RARB: variants seen among roughly 807,000 people sequenced by gnomAD.
RARB encodes HBV-activated protein.
RARB carries 17 observed loss-of-function variants against 51.9 expected under a neutral mutation model. The ratio of observed to expected loss-of-function variants is 0.33; its 90% CI spans 0.22 to 0.49. The LOEUF (loss-of-function observed/expected upper bound fraction) is 0.49. RARB is among the 20% of genes least tolerant of loss of function. The pLI is 0.99. For missense variants in RARB, 369 were observed against 550.8 expected, an observed-to-expected ratio of 0.67 and a Z score of 3.30; for synonymous variants, 215 against 195.4, an observed-to-expected ratio of 1.10 and a Z score of -0.84.
intron 3 of RARB, among the ~76,000 whole-genome samples, chr3:25,092,165 G>A (rs62230270): frequency 0.036 from 5,532 of 152,170 alleles, 128 homozygotes; most frequent in Middle Eastern, 0.058. Flanking sequence ...GAGAGGAGGC[G>A]GTCTTGTCTA....
At chr3:24,850,584 G>A (rs945378451) in intron 1 of RARB, among the ~76,000 whole-genome samples, 1 of 152,170 alleles carries the variant, frequency 6.6e-6, no homozygotes, top group African/African-American at 2.4e-5. Context: ...GGGGCAGAGG[G>A]AAGAAACCTA....
chr3:25,480,251 A>G (rs142667257), intron 2 of RARB, among the ~76,000 whole-genome samples: 2 of 152,354 alleles, frequency 1.3e-5, no homozygotes, highest in Admixed American at 1.3e-4. Context: ...ACAGTGTAGT[A>G]TATACACAGT....
At chr3:25,143,880 A>T (rs1418022284) in intron 4 of RARB, among the ~76,000 whole-genome samples, 1 of 152,196 alleles carries the variant, frequency 6.6e-6, no homozygotes, top group Non-Finnish European at 1.5e-5. Context: ...CCTGGCATCA[A>T]GCAACAAAAG....
At chr3:25,271,572 G>T (rs1306974434) in intron 5 of RARB, among the ~76,000 whole-genome samples, 1 of 152,150 alleles carries the variant, frequency 6.6e-6, no homozygotes, top group Non-Finnish European at 1.5e-5. Context: ...ATGGAAAGGT[G>T]GTCATTAGAT....
At chr3:25,342,768 T>G (rs1190844454) in intron 5 of RARB, among the ~76,000 whole-genome samples, 2 of 152,188 alleles carry the variant, frequency 1.3e-5, no homozygotes, top group Non-Finnish European at 2.9e-5. Flanking sequence ...ATGGTCTTTT[T>G]AATGATGCAA....
chr3:25,189,373 T>C (rs1156752963), intron 5 of RARB, among the ~76,000 whole-genome samples: 2 of 152,154 alleles, frequency 1.3e-5, no homozygotes, highest in Non-Finnish European at 2.9e-5. Flanking sequence ...CAAAGATTTT[T>C]GTAAGCATTG....
chr3:25,035,705 T>C (rs1697977673), intron 2 of RARB, among the ~76,000 whole-genome samples: 1 of 152,180 alleles, frequency 6.6e-6, no homozygotes, highest in African/African-American at 2.4e-5. Context: ...TACCCTACCA[T>C]CTCTATTGCA....
At chr3:25,398,574 T>C (rs150698830) in intron 5 of RARB, among the ~76,000 whole-genome samples, 12 of 152,332 alleles carry the variant, frequency 7.9e-5, no homozygotes, top group African/African-American at 2.6e-4. Flanking sequence ...AGTTTTAATG[T>C]TGAGATACAC....
rs991646573 is a variant in RARB, at chr3:25,327,504, G to A, written c.179-133689G>A. On this transcript the variant is annotated intron_variant, in intron 5 of 11. Coordinates refer to the RARB transcript ENST00000383772. ...ATAATTCTGAGAGAAAATGACTATC[G>A]ACCTAGAATTCTATACCTGCCAAAA... is the stretch of plus-strand genomic sequence containing the variant. Among the ~76,000 whole-genome samples, 10 of 152,180 alleles carry A rather than the reference G, an allele frequency of 6.6e-5. No homozygotes were observed. The South Asian group carries it at 1.2e-3, about 19-fold the overall frequency.
At chr3:25,009,294 G>T (rs1037121139) in intron 2 of RARB, among the ~76,000 whole-genome samples, 1 of 152,262 alleles carries the variant, frequency 6.6e-6, no homozygotes, top group East Asian at 1.9e-4. Context: ...CTATAATTTT[G>T]TGACTTAGTT....
chr3:24,945,131 T>C (rs991583061), intron 2 of RARB, among the ~76,000 whole-genome samples: 2 of 152,212 alleles, frequency 1.3e-5, no homozygotes, highest in Admixed American at 6.5e-5. Flanking sequence ...TAAATTTAGT[T>C]TTTTATAGTC....
chr3:24,996,016 T>A (rs550740317), intron 2 of RARB, among the ~76,000 whole-genome samples: 1 of 152,224 alleles, frequency 6.6e-6, no homozygotes, highest in Non-Finnish European at 1.5e-5. Flanking sequence ...TATTTTGTAA[T>A]AGTTTGAAAA....
At chr3:25,274,486 C>T (rs1872143) in intron 5 of RARB, among the ~76,000 whole-genome samples, 67,176 of 151,980 alleles carry the variant, frequency 0.44, 15,455 homozygotes, top group Admixed American at 0.58. Flanking sequence ...AGGAAGGCCT[C>T]TCCTACTCGG....
At chr3:25,142,069 C>T (rs1045701823) in intron 4 of RARB, among the ~76,000 whole-genome samples, 7 of 152,236 alleles carry the variant, frequency 4.6e-5, no homozygotes, top group South Asian at 4.1e-4. Context: ...CGGTGGCTCA[C>T]GCCTGTGATG....
intron 1 of RARB, among the ~76,000 whole-genome samples, chr3:24,851,195 G>A (rs569898141): frequency 1.9e-3 from 291 of 152,214 alleles, no homozygotes; most frequent in African/African-American, 6.7e-3. Flanking sequence ...AGCACTTTGA[G>A]AGGGGGAGAA....
intron 5 of RARB, among the ~76,000 whole-genome samples, chr3:25,395,962 T>C (rs1427288096): frequency 6.6e-6 from 1 of 152,188 alleles, no homozygotes; most frequent in Non-Finnish European, 1.5e-5. Flanking sequence ...GCATCTTTTT[T>C]CTGGTTCCCT....
rs1575163102 is a variant in RARB, at chr3:25,106,451, G to GGTTTTT, written c.-327-25710_-327-25709insGTTTTT. Among the ~76,000 whole-genome samples the GGTTTTT allele has an allele frequency of 7.8e-4, 55 of 70,538 alleles. 6 individuals are homozygous for GGTTTTT. Among genetic ancestry groups the GGTTTTT allele is most frequent in the Middle Eastern group, 9.4e-3 (1 of 106 alleles). 46.3% of individuals were successfully genotyped at this position (70,538 alleles called of 152,430 possible). ...CCACCATGCCCAGCTACTGTTTTTT[G>GGTTTTT]TTTTTTGTTTTTTTTTGTTTTGTTT... On this transcript the variant is annotated intron_variant, in intron 3 of 11. Coordinates refer to the RARB transcript ENST00000383772.
At chr3:25,101,031 G>C (rs574008584) in intron 3 of RARB, among the ~76,000 whole-genome samples, 1 of 152,294 alleles carries the variant, frequency 6.6e-6, no homozygotes, top group East Asian at 1.9e-4. Context: ...CATTTAAGGG[G>C]TAGTTGGAGG....
At chr3:24,991,483 G>A (rs575081247) in intron 2 of RARB, among the ~76,000 whole-genome samples, 80 of 150,364 alleles carry the variant, frequency 5.3e-4, no homozygotes, top group Non-Finnish European at 8.7e-4. Flanking sequence ...AAAAAAATTA[G>A]CATTTTGGTC....
Sources: gnomAD v4.1 joint callset for allele counts (sites outside exome capture counted in the v4.1 genomes callset) on GRCh38, gnomAD v4.1.1 for gene constraint, MANE v1.5 for transcripts, NCBI Gene and HGNC (gene_info 2026-07-23, HGNC 2026-07-21) for gene names.